GATA4: variants seen among roughly 807,000 people sequenced by gnomAD.
The protein encoded by GATA4 is GATA binding protein 4, also known as transcription factor GATA-4.
A neutral mutation model predicts 37.9 loss-of-function variants in GATA4; 7 were observed. The ratio of observed to expected loss-of-function variants is 0.18; its 90% CI spans 0.11 to 0.35. The LOEUF is 0.35. Ranked by LOEUF, GATA4 falls within the 10% of genes least tolerant of loss-of-function variation. The pLI, the probability that GATA4 is intolerant of heterozygous loss-of-function variation, is 1.00. For synonymous variants in GATA4, 372 were observed against 292.6 expected, an observed-to-expected ratio of 1.27 and a Z score of -2.77; for missense variants, 647 against 653.0, an observed-to-expected ratio of 0.99 and a Z score of 0.10.
chr8:11,694,221 G>A (rs1254424043), intron 1 of GATA4, among the ~76,000 whole-genome samples: 1 of 152,216 alleles, frequency 6.6e-6, no homozygotes, highest in Non-Finnish European at 1.5e-5. Flanking sequence ...TTCAATAAAT[G>A]TTTGCTTTGT....
At chr8:11,730,019 G>C (rs141252489) in intron 2 of GATA4, among the ~76,000 whole-genome samples, 2 of 152,228 alleles carry the variant, frequency 1.3e-5, no homozygotes, top group African/African-American at 4.8e-5. Context: ...TTTACCTCCA[G>C]GGTTCAAGGA....
At chr8:11,722,281 G>C (rs961396441) in intron 2 of GATA4, among the ~76,000 whole-genome samples, 3 of 152,162 alleles carry the variant, frequency 2.0e-5, no homozygotes, top group Admixed American at 6.5e-5. Context: ...CCCCCACACA[G>C]TGTTATTTTG....
At chr8:11,725,703 G>A (rs568012006) in intron 2 of GATA4, among the ~76,000 whole-genome samples, 5 of 152,342 alleles carry the variant, frequency 3.3e-5, no homozygotes, top group African/African-American at 9.6e-5. Context: ...AGGGAAGAGC[G>A]TGGACCCAGC....
chr8:11,748,848 T>C, intron 2 of GATA4, 68 bp from the exon 3 acceptor site: 1 of 1,555,890 alleles, frequency 6.4e-7, no homozygotes, highest in Non-Finnish European at 8.9e-7. Flanking sequence ...GATTCTCAGA[T>C]GTGAGAGCTG....
chr8:11,753,681 G>A (rs190308665), intron 4 of GATA4, among the ~76,000 whole-genome samples: 77 of 152,174 alleles, frequency 5.1e-4, no homozygotes, highest in Middle Eastern at 3.4e-3. Context: ...TGGTGGGGTC[G>A]GGGGGTGCAA....
rs778534615 is a variant in GATA4 at position 11,708,285 on chromosome 8, A to T, written c.-28A>T. On this transcript the variant is annotated 5_prime_UTR_variant, in exon 2 of 7. Transcript: ENST00000532059. This position sits in a 1 kb window ranked among gnomAD's most constrained non-coding sequence, Gnocchi z 6.7. ...CCTTGACCTGCGAGGGAGAGAGAGG[A>T]CACCGAAGCCGGGAGCTCGCAGGGA... 29 of 1,560,258 alleles carry T rather than the reference A, an allele frequency of 1.9e-5. No individual in the cohort carries two copies. The highest frequency in any genetic ancestry group is 2.6e-6 in the Non-Finnish European group (3 of 1,159,898).
At chr8:11,690,765 G>A (rs1052889993), upstream of GATA4, among the ~76,000 whole-genome samples, 3 of 152,166 alleles carry the variant, frequency 2.0e-5, no homozygotes, top group African/African-American at 7.2e-5. Flanking sequence ...TCGCTACTCC[G>A]GAGGCCGAGG....
In GATA4 at chr8:11,757,001, C is replaced by G. The variant is rs200167770; in HGVS notation, c.1067C>G (p.Thr356Ser). The part of the protein sequence containing the change: ...GASSNSSNAT[T>S]SSSEEMRPIK... ...TCCAGCAACTCCAGCAACGCCACCA[C>G]CAGCAGCAGCGAGGAGATGCGTCCC... Residue 356 changes from threonine to serine, a missense_variant, in exon 6 of 7, where the codon ACC becomes AGC. By Grantham distance (58) the Thr-to-Ser change is moderately conservative. Around this residue, in one of 5 missense-constraint regions of GATA4, gnomAD observed 184 missense variants for 157.1 expected, o/e 1.17. Transcript: ENST00000532059. 804 of 1,614,272 alleles carry G rather than the reference C, an allele frequency of 5.0e-4. 4 individuals carry two copies. The South Asian group carries it at 8.4e-3, about 17-fold the overall frequency.
At chr8:11,680,713 C>A (rs561664263) in intron 1 of GATA4, 1 of 985,348 alleles carries the variant, frequency 1.0e-6, no homozygotes, top group East Asian at 1.1e-4. Flanking sequence ...CCTCCAGCCG[C>A]TGCGCACGGA....
rs755053632 is a variant in GATA4 at position 11,758,331 on chromosome 8, C to T, written c.1188C>T (p.Ser396=). 1.9e-6 allele frequency: 3 copies of T among 1,614,176 alleles called. No individual in the cohort carries two copies. Among genetic ancestry groups the T allele is most frequent in the East Asian group, 2.2e-5 (1 of 44,880 alleles). ...SVSAMSGHGP[S]IHPVLSALKL... is the part of the protein sequence containing the mutation. ...GTGCGATGTCTGGCCATGGGCCCTC[C>T]ATCCACCCTGTCCTCTCGGCCCTGA... The change falls in exon 7 of 7, where the codon TCC becomes TCT. Residue 396 remains serine, a synonymous_variant. Transcript: ENST00000532059.
chr8:11,689,494 C>T (rs576675234), upstream of GATA4, among the ~76,000 whole-genome samples: 1 of 152,324 alleles, frequency 6.6e-6, no homozygotes, highest in Admixed American at 6.5e-5. Flanking sequence ...ATGCCCCACA[C>T]ACACTTGGCT....
chr8:11,721,721 G>A (rs1459916454), intron 2 of GATA4, among the ~76,000 whole-genome samples: 1 of 152,196 alleles, frequency 6.6e-6, no homozygotes, highest in Non-Finnish European at 1.5e-5. Flanking sequence ...AGGAAGAGGA[G>A]TGTTCGTCTG....
chr8:11,745,836 G>T (rs1802003457), intron 2 of GATA4, among the ~76,000 whole-genome samples: 1 of 152,166 alleles, frequency 6.6e-6, no homozygotes, highest in Admixed American at 6.5e-5. Context: ...ATAGAAGTCT[G>T]GGATTTTCTT....
In GATA4 at chr8:11,709,768, G is replaced by C. The variant is rs1800088216; in HGVS notation, c.616+840G>C. On this transcript the variant is annotated intron_variant, in intron 2 of 6. Coordinates refer to ENST00000532059, the MANE Select transcript of GATA4 (RefSeq NM_001308093.3). The surrounding 1 kb of genome is among the most constrained non-coding windows in gnomAD (Gnocchi z 4.3). ...GCAGTGTTTCCATCGGATGTCAGAC[G>C]GGGAGGGACGGCAAACCTGTCTCAA... is the stretch of plus-strand genomic sequence containing the variant. 6.6e-6 allele frequency among the ~76,000 whole-genome samples: 1 copy of C among 152,198 alleles called. No homozygotes were observed. Among genetic ancestry groups the C allele is most frequent in the Admixed American group, 6.5e-5 (1 of 15,292 alleles).
At chr8:11,692,911 T>A in intron 1 of GATA4, 1 of 981,802 alleles carries the variant, frequency 1.0e-6, no homozygotes, top group Non-Finnish European at 1.2e-6. Context: ...TCCAGCCGCC[T>A]GGGGTTCCGC....
Position 11,729,533 on chromosome 8 carries a change from G to A in GATA4, c.617-19383G>A, listed in dbSNP as rs188292767. ...GCTGTGCCACTGCACTCCAGCCTGGGCAACAGTGCGAGACTGTGTCTCAAA... is the reference window on the plus strand; with the variant it reads ...GCTGTGCCACTGCACTCCAGCCTGGACAACAGTGCGAGACTGTGTCTCAAA... On this transcript the variant is annotated intron_variant, in intron 2 of 6. Coordinates refer to ENST00000532059, the MANE Select transcript of GATA4 (RefSeq NM_001308093.3). Among the ~76,000 whole-genome samples, 7 of 147,450 alleles carry A rather than the reference G, an allele frequency of 4.7e-5. No homozygotes were observed. The Admixed American group carries it at 4.8e-4, about 10-fold the overall frequency.
At chr8:11,683,225 G>T (rs921982490) in intron 1 of GATA4, 1 of 779,244 alleles carries the variant, frequency 1.3e-6, no homozygotes. Context: ...TCCGGAGCGG[G>T]GGAGGACGGA....
chr8:11,708,227 G>C lies in GATA4; in HGVS notation c.-86G>C. 2 of 1,446,666 alleles carry C rather than the reference G, an allele frequency of 1.4e-6. No individual in the cohort carries two copies. Among genetic ancestry groups the C allele is most frequent in the South Asian group, 1.2e-5 (1 of 81,710 alleles). The allele number at this position is 1,446,666 out of a possible 1,614,324, so 89.6% of individuals were successfully genotyped here. On this transcript the variant is annotated 5_prime_UTR_variant, in exon 2 of 7. Transcript: ENST00000532059. This position sits in a 1 kb window ranked among gnomAD's most constrained non-coding sequence, Gnocchi z 6.7. ...GACAGTTCCTCCCACGCATATTATC[G>C]TTGTTGCCGTCGTTTTCTCTCCCCG...
At chr8:11,681,052 T>C (rs1798953658) in intron 1 of GATA4, 1 of 947,844 alleles carries the variant, frequency 1.1e-6, no homozygotes, top group Non-Finnish European at 1.3e-6. Flanking sequence ...AATGCCTTCC[T>C]TCTCTGGCCG....
Sources: gnomAD v4.1 joint callset for allele counts (sites outside exome capture counted in the v4.1 genomes callset) on GRCh38, gnomAD v4.1.1 for gene constraint, gnomAD v4.1.1 regional missense constraint, Gnocchi (gnomAD v3.1) non-coding constraint, MANE v1.5 for transcripts, NCBI Gene and HGNC (gene_info 2026-07-23, HGNC 2026-07-21) for gene names.